The following CERS6 variants were observed in gnomAD, a reference collection of about 807,000 sequenced individuals.
CERS6 encodes LAG1 homolog, ceramide synthase 6.
In CERS6, 26 loss-of-function variants were observed where a neutral mutation model predicts 56.8. That is an observed-to-expected ratio of 0.46 (90% CI 0.34 to 0.63). CERS6 has a LOEUF of 0.63. CERS6 is among the 30% of genes least tolerant of loss of function. The pLI is 0.01. For synonymous variants in CERS6, 164 were observed against 173.3 expected, an observed-to-expected ratio of 0.95 and a Z score of 0.42; for missense variants, 415 against 467.5, an observed-to-expected ratio of 0.89 and a Z score of 1.04.
chr2:168,517,667 A>G (rs1316976606), intron 1 of CERS6, among the ~76,000 whole-genome samples: 1 of 152,078 alleles, frequency 6.6e-6, no homozygotes, highest in East Asian at 1.9e-4. Flanking sequence ...AGTAGCCTCA[A>G]CTTCCATGGA....
chr2:168,732,798 A>G (rs1446993770), intron 8 of CERS6, among the ~76,000 whole-genome samples: 1 of 152,196 alleles, frequency 6.6e-6, no homozygotes, highest in Non-Finnish European at 1.5e-5. Flanking sequence ...ATGATGAAAG[A>G]TTGCTTTATT....
intron 3 of CERS6, among the ~76,000 whole-genome samples, chr2:168,620,679 C>T (rs113947787): frequency 0.01 from 1,538 of 151,460 alleles, 7 homozygotes; most frequent in Non-Finnish European, 0.017. Flanking sequence ...TACTCAGTCT[C>T]GTGTTTTGTT....
Position 168,741,379 on chromosome 2 carries a change from A to G in CERS6, c.845+23401A>G, listed in dbSNP as rs867746533. On this transcript the variant is annotated intron_variant, in intron 8 of 9. Transcript: ENST00000305747. ...ATGTATGGATTTGGAGAATTAAAAA[A>G]AAAAAAAAAAAAAAAAGACAAACTT... is the stretch of plus-strand genomic sequence containing the variant. Among the ~76,000 whole-genome samples, 37 of 143,354 alleles carry G rather than the reference A, an allele frequency of 2.6e-4. 1 individual carries two copies. The East Asian group carries it at 5.0e-3, about 19-fold the overall frequency. 94.0% of individuals were successfully genotyped at this position (143,354 alleles called of 152,430 possible). A position where few individuals can be genotyped will look rare whatever the true frequency, so the allele number is the denominator to read the frequency against.
chr2:168,457,683 T>TC (rs1693698702), intron 1 of CERS6, among the ~76,000 whole-genome samples: 1 of 152,198 alleles, frequency 6.6e-6, no homozygotes, highest in Non-Finnish European at 1.5e-5. Flanking sequence ...CCGCCTTTCT[T>TC]CCCCGCCTTC....
Position 168,772,051 on chromosome 2 carries a change from A to G in CERS6, c.*2389A>G, listed in dbSNP as rs1684874600. On this transcript the variant is annotated 3_prime_UTR_variant, in exon 10 of 10. Coordinates refer to ENST00000305747, the MANE Select transcript of CERS6 (RefSeq NM_203463.3). ...CAGGCTTTTTATGGTGAAGAATAAT[A>G]TATCTCTGTCTATAGCTTTCCCATG... 1 of 152,230 alleles carries G rather than the reference A, an allele frequency of 6.6e-6. No individual in the cohort carries two copies. Among genetic ancestry groups the G allele is most frequent in the Non-Finnish European group, 1.5e-5 (1 of 68,036 alleles). 9.4% of individuals were successfully genotyped at this position (152,230 alleles called of 1,614,324 possible).
intron 8 of CERS6, among the ~76,000 whole-genome samples, chr2:168,737,243 C>G (rs945295456): frequency 8.5e-5 from 13 of 152,170 alleles, no homozygotes; most frequent in African/African-American, 3.1e-4. Context: ...AGGAAAAACA[C>G]AATGAAAACC....
At chr2:168,627,847 T>C (rs1684625270) in intron 3 of CERS6, among the ~76,000 whole-genome samples, 1 of 152,092 alleles carries the variant, frequency 6.6e-6, no homozygotes, top group African/African-American at 2.4e-5. Context: ...AGGATCTTTT[T>C]TCATCTTTGG....
At chr2:168,681,956 A>G (rs1307740960) in intron 4 of CERS6, among the ~76,000 whole-genome samples, 2 of 152,240 alleles carry the variant, frequency 1.3e-5, no homozygotes, top group East Asian at 3.8e-4. Context: ...TATTGCTACA[A>G]ATGGCAGGAT....
intron 3 of CERS6, among the ~76,000 whole-genome samples, chr2:168,584,371 T>C (rs1392090509): frequency 1.3e-5 from 2 of 152,220 alleles, no homozygotes; most frequent in Non-Finnish European, 2.9e-5. Flanking sequence ...TTCAGTAATA[T>C]CTATCTACAT....
chr2:168,676,426 C>A (rs80113788), intron 4 of CERS6, among the ~76,000 whole-genome samples: 1 of 152,080 alleles, frequency 6.6e-6, no homozygotes, highest in African/African-American at 2.4e-5. Context: ...ATTAAAAACC[C>A]ACATTTGTTA....
chr2:168,652,575 T>TAAA (rs35961972), intron 4 of CERS6, among the ~76,000 whole-genome samples: 1 of 139,094 alleles, frequency 7.2e-6, no homozygotes, highest in South Asian at 2.2e-4. Context: ...AAAAAAGTGT[T>TAAA]AAAAAAAAAA....
chr2:168,581,984 C>G (rs1265758056), intron 3 of CERS6, among the ~76,000 whole-genome samples: 1 of 152,190 alleles, frequency 6.6e-6, no homozygotes, highest in Non-Finnish European at 1.5e-5. Flanking sequence ...GACTCCCAGG[C>G]CCACCTGGGC....
intron 4 of CERS6, among the ~76,000 whole-genome samples, chr2:168,655,602 A>G (rs1157852543): frequency 6.6e-6 from 1 of 152,264 alleles, no homozygotes; most frequent in Non-Finnish European, 1.5e-5. Flanking sequence ...ATTATCCTAA[A>G]TGAAATAAGC....
intron 8 of CERS6, among the ~76,000 whole-genome samples, chr2:168,742,655 G>T (rs1264334024): frequency 2.0e-5 from 3 of 152,150 alleles, no homozygotes; most frequent in African/African-American, 7.2e-5. Context: ...ACAATAAAGA[G>T]GCCAGGCAGA....
At chr2:168,555,994 A>G (rs913681614) in intron 2 of CERS6, among the ~76,000 whole-genome samples, 3 of 152,104 alleles carry the variant, frequency 2.0e-5, no homozygotes, top group East Asian at 1.9e-4. Flanking sequence ...AATATTTAAG[A>G]TGTACAATAC....
At chr2:168,711,424 C>T (rs920225456) in intron 6 of CERS6, among the ~76,000 whole-genome samples, 20 of 152,142 alleles carry the variant, frequency 1.3e-4, no homozygotes, top group African/African-American at 4.8e-4. Flanking sequence ...ATAAAAATAA[C>T]CTGATCCAGT....
At position 168,713,611 on chromosome 2, in the gene CERS6, G is replaced by A. The variant is rs574443713; in HGVS notation, c.610-1390G>A. 4.6e-5 allele frequency among the ~76,000 whole-genome samples: 7 copies of A among 152,180 alleles called. No homozygotes were observed. In the East Asian group the frequency reaches 5.8e-4, roughly 13 times the overall value. ...GCCAAGATGAGGTTCCCTTGAAGCCGACCAAAATAAGGATGGTCAATTTAC... is the reference window on the plus strand; with the variant it reads ...GCCAAGATGAGGTTCCCTTGAAGCCAACCAAAATAAGGATGGTCAATTTAC... On this transcript the variant is annotated intron_variant, in intron 6 of 9. Coordinates refer to ENST00000305747, the MANE Select transcript of CERS6 (RefSeq NM_203463.3).
intron 1 of CERS6, among the ~76,000 whole-genome samples, chr2:168,467,155 G>A (rs1398518994): frequency 2.0e-5 from 3 of 152,202 alleles, no homozygotes; most frequent in Non-Finnish European, 4.4e-5. Flanking sequence ...AAGAGGAGCA[G>A]CATAGAGTTA....
intron 1 of CERS6, among the ~76,000 whole-genome samples, chr2:168,544,653 G>A (rs1376054576): frequency 6.6e-6 from 1 of 152,162 alleles, no homozygotes; most frequent in African/African-American, 2.4e-5. Flanking sequence ...CACACTGCTG[G>A]TATGGACTCA....
Sources: allele counts gnomAD v4.1 joint callset (sites outside exome capture counted in the v4.1 genomes callset), GRCh38; gene constraint gnomAD v4.1.1; transcripts MANE v1.5; gene names NCBI Gene and HGNC (gene_info 2026-07-23, HGNC 2026-07-21).